The following ENOX2 variants were observed in gnomAD, a reference collection of about 807,000 sequenced individuals.
ENOX2 encodes ecto-NOX disulfide-thiol exchanger 2.
In ENOX2, 36 loss-of-function variants were observed where a neutral mutation model predicts 45.0. The observed-to-expected ratio is 0.80, with a 90% CI of 0.61 to 1.06. The LOEUF (loss-of-function observed/expected upper bound fraction) is 1.06. ENOX2 is among the 50% of genes least tolerant of loss of function. The pLI is 0.00. For synonymous variants in ENOX2, 174 were observed against 152.3 expected (o/e 1.14, Z -1.05); for missense variants, 423 against 462.5 (o/e 0.91, Z 0.78).
At chrX:130,823,743 C>T (rs2077662865) in intron 2 of ENOX2, among the ~76,000 whole-genome samples, 1 of 111,753 alleles carries the variant, frequency 8.9e-6, no homozygotes, top group African/African-American at 3.2e-5. Flanking sequence ...TCTTCCCTCT[C>T]TGATCTTTTA....
intron 4 of ENOX2, among the ~76,000 whole-genome samples, chrX:130,694,421 T>C (rs939852393): frequency 2.7e-5 from 3 of 111,052 alleles, no homozygotes; most frequent in Non-Finnish European, 3.8e-5. Flanking sequence ...ATTGTTCAGT[T>C]GGAACAATGT....
At chrX:130,819,332 C>T (rs2077550733) in intron 2 of ENOX2, among the ~76,000 whole-genome samples, 1 of 111,400 alleles carries the variant, frequency 9.0e-6, no homozygotes, top group Non-Finnish European at 1.9e-5. Flanking sequence ...CCTCGAGGAC[C>T]CAGGACCAGA....
chrX:130,653,699 A>T, intron 10 of ENOX2, among the ~76,000 whole-genome samples: 1 of 112,162 alleles, frequency 8.9e-6, no homozygotes, highest in Non-Finnish European at 1.9e-5. Context: ...TTTTGTGTGG[A>T]TTTACACATA....
intron 2 of ENOX2, among the ~76,000 whole-genome samples, chrX:130,802,414 C>T (rs1001656893): frequency 8.9e-6 from 1 of 112,267 alleles, no homozygotes; most frequent in Non-Finnish European, 1.9e-5. Context: ...AAGAAACATT[C>T]GTTTAGTGCT....
chrX:130,827,499 C>T (rs188153314), intron 2 of ENOX2, among the ~76,000 whole-genome samples: 1 of 111,555 alleles, frequency 9.0e-6, no homozygotes, highest in East Asian at 2.8e-4. Flanking sequence ...CATTACAGTA[C>T]TTAAACTTTT....
intron 4 of ENOX2, among the ~76,000 whole-genome samples, chrX:130,699,780 A>G (rs2037851568): frequency 8.9e-6 from 1 of 111,921 alleles, no homozygotes; most frequent in Non-Finnish European, 1.9e-5. Context: ...TCAGACATAT[A>G]CTGTTCTCTT....
chrX:130,682,024 C>T (rs949401420), intron 5 of ENOX2, among the ~76,000 whole-genome samples: 29 of 107,752 alleles, frequency 2.7e-4, no homozygotes, highest in African/African-American at 8.4e-4. Flanking sequence ...AACCCCCCCC[C>T]CCACCGACTA....
At chrX:130,893,448 G>T (rs2079013047) in intron 2 of ENOX2, among the ~76,000 whole-genome samples, 1 of 112,597 alleles carries the variant, frequency 8.9e-6, no homozygotes, top group South Asian at 3.7e-4. Flanking sequence ...GGCTCCCACT[G>T]TAAGTAATGG....
intron 3 of ENOX2, among the ~76,000 whole-genome samples, chrX:130,723,642 T>G (rs1364609941): frequency 8.9e-6 from 1 of 112,040 alleles, no homozygotes; most frequent in East Asian, 2.8e-4. Context: ...TTTGTAGCAT[T>G]AAATATTACT....
intron 4 of ENOX2, among the ~76,000 whole-genome samples, chrX:130,690,130 G>T (rs1323734076): frequency 1.8e-5 from 2 of 111,276 alleles, no homozygotes; most frequent in Non-Finnish European, 3.8e-5. Context: ...TAAGATTGGG[G>T]CTTCTCAGAT....
At chrX:130,670,848 T>G (rs1285256450) in intron 6 of ENOX2, among the ~76,000 whole-genome samples, 1 of 110,578 alleles carries the variant, frequency 9.0e-6, no homozygotes, top group Non-Finnish European at 1.9e-5. Context: ...TCAGAAAACC[T>G]GATTCAACTC....
At chrX:130,790,549 C>T (rs1569502517) in intron 2 of ENOX2, among the ~76,000 whole-genome samples, 1 of 112,111 alleles carries the variant, frequency 8.9e-6, no homozygotes, top group Non-Finnish European at 1.9e-5. Flanking sequence ...TTATAAGTTC[C>T]CAGATGATGC....
chrX:130,891,122 C>A (rs982954330), intron 2 of ENOX2, among the ~76,000 whole-genome samples: 1 of 111,436 alleles, frequency 9.0e-6, no homozygotes, highest in Non-Finnish European at 1.9e-5. Context: ...GGGAGGATCA[C>A]TTAACCTCAG....
chrX:130,751,609 CTA>C (rs1227886257), intron 3 of ENOX2, among the ~76,000 whole-genome samples: 1 of 111,609 alleles, frequency 9.0e-6, no homozygotes, highest in Non-Finnish European at 1.9e-5. Context: ...TATGGTAATT[CTA>C]TGTTTTACTT....
chrX:130,699,710 C>G (rs2037849714), intron 4 of ENOX2, among the ~76,000 whole-genome samples: 1 of 111,537 alleles, frequency 9.0e-6, no homozygotes, highest in African/African-American at 3.3e-5. Context: ...GAGTGTCGTG[C>G]CAACCTTCCA....
intron 3 of ENOX2, among the ~76,000 whole-genome samples, chrX:130,767,696 A>G (rs1603343876): frequency 8.9e-6 from 1 of 112,463 alleles, no homozygotes; most frequent in East Asian, 2.8e-4. Flanking sequence ...GGAGAATTTA[A>G]TTCAGACTAG....
intron 2 of ENOX2, among the ~76,000 whole-genome samples, chrX:130,817,869 C>G (rs188479308): frequency 9.5e-4 from 106 of 112,071 alleles, no homozygotes; most frequent in African/African-American, 3.1e-3. Context: ...GACAAGGATG[C>G]CCTCTCTCAC....
intron 2 of ENOX2, among the ~76,000 whole-genome samples, chrX:130,820,056 GCAAAC>G (rs977638146): frequency 8.9e-6 from 1 of 111,795 alleles, no homozygotes; most frequent in Non-Finnish European, 1.9e-5. Context: ...GAAAACATTC[GCAAAC>G]CATTTATCTG....
intron 2 of ENOX2, among the ~76,000 whole-genome samples, chrX:130,787,657 C>A (rs1287230485): frequency 9.0e-6 from 1 of 111,643 alleles, no homozygotes; most frequent in African/African-American, 3.3e-5. Flanking sequence ...CTTGCCCTTT[C>A]TTTAGGCCCA....
Sources: gnomAD v4.1 joint callset for allele counts (sites outside exome capture counted in the v4.1 genomes callset) on GRCh38, gnomAD v4.1.1 for gene constraint, MANE v1.5 for transcripts, NCBI Gene and HGNC (gene_info 2026-07-23, HGNC 2026-07-21) for gene names.